Variants in IKZF3 observed in about 807,000 individuals in gnomAD.
The protein encoded by IKZF3 is zinc finger protein Aiolos.
In IKZF3, 10 loss-of-function variants were observed where a neutral mutation model predicts 49.0. The ratio of observed to expected loss-of-function variants is 0.20; its 90% CI spans 0.13 to 0.35. IKZF3 has a LOEUF of 0.35. IKZF3 is among the 10% of genes least tolerant of loss of function. IKZF3 has a pLI of 1.00. For synonymous variants in IKZF3, 209 were observed against 228.2 expected, an observed-to-expected ratio of 0.92 and a Z score of 0.76; for missense variants, 498 against 664.8, an observed-to-expected ratio of 0.75 and a Z score of 2.76.
chr17:39,820,296 CAG>C (rs774653003), intron 3 of IKZF3, among the ~76,000 whole-genome samples: 8 of 152,120 alleles, frequency 5.3e-5, no homozygotes, highest in Middle Eastern at 3.4e-3. Context: ...ATCTGAGTAA[CAG>C]AGTAACATTC....
At chr17:39,839,259 A>T in intron 1 of IKZF3, 1 of 359,470 alleles carries the variant, frequency 2.8e-6, no homozygotes, top group Admixed American at 3.7e-5. Context: ...TATATTCCCA[A>T]TAAAACATGT....
At chr17:39,809,608 G>A (rs961885831) in intron 3 of IKZF3, among the ~76,000 whole-genome samples, 1 of 152,200 alleles carries the variant, frequency 6.6e-6, no homozygotes, top group Non-Finnish European at 1.5e-5. Flanking sequence ...TTGCTAGACT[G>A]CTGATTAGAT....
chr17:39,766,288 T>G lies in IKZF3; in HGVS notation c.1032A>C (p.Ile344=). The G allele has an allele frequency of 6.2e-7, 1 of 1,614,202 alleles. No individual in the cohort carries two copies. The highest frequency in any genetic ancestry group is 8.5e-7 in the Non-Finnish European group (1 of 1,180,046). Residue 344 remains isoleucine, a synonymous_variant, in exon 8 of 8, where the codon ATA becomes ATC. Transcript: ENST00000346872. ...TTGACATCTCAGCCCGGGTGAGGGC[T>G]ATGGGATACATGCTGCTGATAACTG... ...MVPVISSMYP[I]ALTRAEMSNG... is the part of the protein sequence containing the mutation.
intron 1 of IKZF3, among the ~76,000 whole-genome samples, chr17:39,844,418 T>C (rs1269580228): frequency 1.3e-5 from 2 of 152,190 alleles, no homozygotes; most frequent in East Asian, 1.9e-4. Context: ...CCCCTGACTA[T>C]AATGCTTTCC....
intron 3 of IKZF3, among the ~76,000 whole-genome samples, chr17:39,818,362 A>G (rs1370992236): frequency 6.6e-6 from 1 of 152,202 alleles, no homozygotes; most frequent in Admixed American, 6.5e-5. Flanking sequence ...ATAAAATAGA[A>G]CAATTACAAC....
chr17:39,821,352 C>G (rs1430517514), intron 3 of IKZF3, among the ~76,000 whole-genome samples: 1 of 151,988 alleles, frequency 6.6e-6, no homozygotes, highest in Non-Finnish European at 1.5e-5. Flanking sequence ...CTAGATCAGC[C>G]CAGGCTCACA....
chr17:39,795,192 A>G (rs1362220284), intron 3 of IKZF3, among the ~76,000 whole-genome samples: 1 of 152,190 alleles, frequency 6.6e-6, no homozygotes, highest in African/African-American at 2.4e-5. Context: ...TCCTGGCTCA[A>G]GAGCAGATCT....
chr17:39,855,976 CAATAT>C (rs1426765991), intron 1 of IKZF3, among the ~76,000 whole-genome samples: 4 of 149,010 alleles, frequency 2.7e-5, no homozygotes, highest in East Asian at 2.0e-4. Context: ...TGTATATGTA[CAATAT>C]AACATGTATA....
chr17:39,775,958 G>A, intron 7 of IKZF3, among the ~76,000 whole-genome samples: 1 of 151,254 alleles, frequency 6.6e-6, no homozygotes. Flanking sequence ...AGAAAGAAAT[G>A]AAGTCGCTTT....
chr17:39,850,708 A>ATATAATAT (rs370626287), intron 1 of IKZF3, among the ~76,000 whole-genome samples: 1 of 3,700 alleles, frequency 2.7e-4, no homozygotes, highest in African/African-American at 7.2e-4. Context: ...CATTATATAT[A>ATATAATAT]ATACATTATA....
chr17:39,765,754 G>A lies in IKZF3; in HGVS notation c.*36C>T, dbSNP rs777232562. On this transcript the variant is annotated 3_prime_UTR_variant, in exon 8 of 8. Transcript: ENST00000346872. Reference sequence around the variant, plus strand: ...GAGGTCATTGGTTTTTAGAAACGATGCTGAATACATAGGAGCAATCCCTGA... The same window carrying A: ...GAGGTCATTGGTTTTTAGAAACGATACTGAATACATAGGAGCAATCCCTGA... The A allele has an allele frequency of 1.1e-5, 17 of 1,486,918 alleles. No homozygotes were observed. The South Asian group carries it at 2.0e-4, about 17-fold the overall frequency. The allele number at this position is 1,486,918 out of a possible 1,614,324, so 92.1% of individuals were successfully genotyped here.
chr17:39,864,291 C>G lies in IKZF3; in HGVS notation c.-165G>C. On this transcript the variant is annotated 5_prime_UTR_variant, in exon 1 of 8. Transcript: ENST00000346872. ...GCAGACTGAAAAGGGCAGGAGCCGG[C>G]GACCTGCCGGTGCGCGGGGTTACAG... The G allele has an allele frequency of 1.4e-6, 1 of 705,666 alleles. No homozygotes were observed. The highest frequency in any genetic ancestry group is 2.3e-6 in the Non-Finnish European group (1 of 444,084). The allele number at this position is 705,666 out of a possible 1,614,324, so 43.7% of individuals were successfully genotyped here.
At chr17:39,820,852 A>G (rs1181992928) in intron 3 of IKZF3, among the ~76,000 whole-genome samples, 1 of 152,102 alleles carries the variant, frequency 6.6e-6, no homozygotes, top group Non-Finnish European at 1.5e-5. Flanking sequence ...GGAAGAAGAG[A>G]GAGGAAAGGG....
At chr17:39,839,766 C>T (rs1347128689) in intron 1 of IKZF3, among the ~76,000 whole-genome samples, 1 of 151,854 alleles carries the variant, frequency 6.6e-6, no homozygotes, top group Non-Finnish European at 1.5e-5. Flanking sequence ...CTCAGGTGAT[C>T]CTCCCACCTT....
At chr17:39,831,180 G>A (rs994608322) in intron 2 of IKZF3, among the ~76,000 whole-genome samples, 2 of 152,146 alleles carry the variant, frequency 1.3e-5, no homozygotes, top group East Asian at 1.9e-4. Flanking sequence ...TTGGGAGTTC[G>A]AGACCAGCCT....
At position 39,759,786 on chromosome 17, in the gene IKZF3, A is replaced by C. The variant is rs1433688001; in HGVS notation, c.*6004T>G. On this transcript the variant is annotated 3_prime_UTR_variant, in exon 8 of 8. Transcript: ENST00000346872. ...TATCTCAAATCATTCTCCTTGTCTG[A>C]ACTCTGGATATAGAGGTTTTTTGAA... 6.6e-6 allele frequency: 1 copy of C among 152,236 alleles called. No individual in the cohort carries two copies. The highest frequency in any genetic ancestry group is 6.5e-5 in the Admixed American group (1 of 15,288). 9.4% of individuals were successfully genotyped at this position (152,236 alleles called of 1,614,324 possible).
At chr17:39,839,019 C>T (rs140651362) in intron 1 of IKZF3, among the ~76,000 whole-genome samples, 2 of 152,110 alleles carry the variant, frequency 1.3e-5, no homozygotes, top group African/African-American at 2.4e-5. Flanking sequence ...TTTGTAGTGA[C>T]AGAGTCTCAC....
Position 39,766,467 on chromosome 17 carries a change from T to G in IKZF3, c.853A>C (p.Asn285His), listed in dbSNP as rs1597941071. The change falls in exon 8 of 8, where the codon AAC becomes CAC. Residue 285 changes from asparagine (N) to histidine (H), a missense_variant. Asn to His is a moderately conservative substitution (Grantham distance 68). Coordinates refer to ENST00000346872, the MANE Select transcript of IKZF3 (RefSeq NM_012481.5). ...TCATACATGTAACTTGAATTATAGTTGACATCAAAGCAGTGGCGCTTCTCA... is the reference window on the plus strand; with the variant it reads ...TCATACATGTAACTTGAATTATAGTGGACATCAAAGCAGTGGCGCTTCTCA... ...IGEKRHCFDV[N>H]YNSSYMYEKE... is the part of the protein sequence containing the mutation. The G allele has an allele frequency of 6.2e-7, 1 of 1,612,602 alleles. No individual in the cohort carries two copies. The highest frequency in any genetic ancestry group is 8.5e-7 in the Non-Finnish European group (1 of 1,179,660).
intron 5 of IKZF3, among the ~76,000 whole-genome samples, chr17:39,790,074 G>T (rs947566520): frequency 6.6e-6 from 1 of 152,066 alleles, no homozygotes; most frequent in Non-Finnish European, 1.5e-5. Context: ...TCTGTGCAAG[G>T]CTGGTCTTTC....
Sources: gnomAD v4.1 joint callset for allele counts (sites outside exome capture counted in the v4.1 genomes callset) on GRCh38, gnomAD v4.1.1 for gene constraint, MANE v1.5 for transcripts, NCBI Gene and HGNC (gene_info 2026-07-23, HGNC 2026-07-21) for gene names.